SLC12A3: variants seen among roughly 807,000 people sequenced by gnomAD.
The protein encoded by SLC12A3 is Na-Cl cotransporter.
SLC12A3 carries 104 observed loss-of-function variants against 121.0 expected under a neutral mutation model. The observed-to-expected ratio is 0.86, with a 90% CI of 0.73 to 1.01. The LOEUF (loss-of-function observed/expected upper bound fraction) is 1.01. Among genes scored for constraint, SLC12A3 ranks in the 50% least tolerant of loss-of-function variants. The probability of loss-of-function intolerance (pLI) is 0.00; values close to 1 mark genes in which losing one functional copy is unlikely to be tolerated. For synonymous variants in SLC12A3, 536 were observed against 533.4 expected (o/e 1.00, Z -0.07); for missense variants, 1,328 against 1,356.3 (o/e 0.98, Z 0.33).
intron 13 of SLC12A3, 115 bp from the exon 14 acceptor site, chr16:56,883,934 C>A: frequency 8.4e-7 from 1 of 1,192,268 alleles, no homozygotes; most frequent in Non-Finnish European, 1.2e-6. Context: ...TGGGTACAGG[C>A]TGGGACCCCG....
At chr16:56,870,579 G>A (rs369629902) in intron 5 of SLC12A3, 47 bp from the exon 6 acceptor site, 187 of 1,263,096 alleles carry the variant, frequency 1.5e-4, no homozygotes, top group East Asian at 3.0e-4. Context: ...CTGGGGGATG[G>A]GGAATTCAGA....
Position 56,870,204 on chromosome 16 carries a change from G to A in SLC12A3, c.710G>A (p.Gly237Asp). Residue 237 changes from glycine to aspartate, a missense_variant, in exon 5 of 26, where the codon GGC becomes GAC. Physicochemically the swap from Gly to Asp is moderately conservative, Grantham distance 94 (BLOSUM62 -1). Transcript: ENST00000563236. ...NAVGVAMHTV[G>D]FAETVRDLLQ... is the part of the protein sequence containing the mutation. ...GTGGGTGTGGCCATGCACACGGTGG[G>A]CTTTGCAGAGACCGTGCGGGACCTG... 3.1e-6 allele frequency: 5 copies of A among 1,613,882 alleles called. No individual in the cohort carries two copies. The highest frequency in any genetic ancestry group is 4.2e-6 in the Non-Finnish European group (5 of 1,180,038).
Position 56,872,408 on chromosome 16 carries a change from A to C in SLC12A3, c.910A>C (p.Thr304Pro), listed in dbSNP as rs753840283. 22 of 1,613,894 alleles carry C rather than the reference A, an allele frequency of 1.4e-5. No homozygotes were observed. Among genetic ancestry groups the C allele is most frequent in the Non-Finnish European group, 1.9e-5 (22 of 1,180,010 alleles). ...CTCCTTTGCCAACTATTTAGTGGGG[A>C]CGCTGATCCCCCCATCTGAGGACAA... is the stretch of plus-strand genomic sequence containing the variant. ...MVSFANYLVG[T>P]LIPPSEDKAS... is the part of the protein sequence containing the mutation. Residue 304 changes from threonine (T) to proline (P), a missense_variant, in exon 7 of 26, where the codon ACG (threonine) becomes CCG (proline). Transcript: ENST00000563236.
intron 6 of SLC12A3, 93 bp downstream of exon 6, chr16:56,870,829 CTTTTTCT>C: frequency 2.9e-6 from 2 of 685,316 alleles, no homozygotes; most frequent in Non-Finnish European, 2.5e-6. Context: ...TCTGCCTTTT[CTTTTTCT>C]TTTCTTTTTT....
chr16:56,884,298 C>T (rs761163834), intron 14 of SLC12A3, 94 bp downstream of exon 14: 20 of 1,312,172 alleles, frequency 1.5e-5, no homozygotes, highest in Admixed American at 5.3e-5. Context: ...GCCCTGAGTC[C>T]GGCTCTGTGC....
rs183932395 is a variant in SLC12A3, at chr16:56,903,829, C to G, written c.2857-566C>G. 3.9e-5 allele frequency among the ~76,000 whole-genome samples: 6 copies of G among 152,320 alleles called. No homozygotes were observed. The East Asian group carries it at 1.2e-3, about 29-fold the overall frequency. ...TGCCCCAAAGGGCCCATGCAGCCAT[C>G]TGGCTCTTTGGAAAATGCTGAATAA... On this transcript the variant is annotated intron_variant, in intron 24 of 25. Coordinates refer to ENST00000563236, the MANE Select transcript of SLC12A3 (RefSeq NM_001126108.2).
At chr16:56,874,894 T>G (rs866282110) in intron 8 of SLC12A3, among the ~76,000 whole-genome samples, 1 of 152,190 alleles carries the variant, frequency 6.6e-6, no homozygotes, top group Non-Finnish European at 1.5e-5. Context: ...CAGGTGGTGT[T>G]GGGCAGGGCC....
At chr16:56,892,238 G>A (rs894112114) in intron 20 of SLC12A3, 105 bp downstream of exon 20, 9 of 1,012,248 alleles carry the variant, frequency 8.9e-6, no homozygotes, top group East Asian at 2.4e-5. Context: ...GAACTTGGTC[G>A]AGGACAGGTG....
At chr16:56,903,054 C>G (rs62035954) in intron 24 of SLC12A3, among the ~76,000 whole-genome samples, 14,581 of 151,564 alleles carry the variant, frequency 0.096, 882 homozygotes, top group Middle Eastern at 0.17. Flanking sequence ...GAGGCTGAGG[C>G]AGGAGAATCG....
rs150993489 is a variant in SLC12A3, at chr16:56,872,873, C to T, written c.1095+87C>T. Reference sequence around the variant, plus strand: ...TGCCCCCTGCTCTAGTGGCATCTGCCGCTGACCTGGGAGGCAGGGCTTCTA... The same window carrying T: ...TGCCCCCTGCTCTAGTGGCATCTGCTGCTGACCTGGGAGGCAGGGCTTCTA... On this transcript the variant is annotated intron_variant, in intron 8 of 25. Transcript: ENST00000563236. The T allele has an allele frequency of 3.4e-4, 528 of 1,567,196 alleles. 2 individuals carry two copies. In the African/African-American group the frequency reaches 6.7e-3, roughly 20 times the overall value.
rs780880719 is a variant in SLC12A3 at position 56,886,991 on chromosome 16, C to A, written c.2076C>A (p.Ile692=). The A allele has an allele frequency of 6.2e-7, 1 of 1,612,694 alleles. No individual in the cohort carries two copies. The highest frequency in any genetic ancestry group is 8.5e-7 in the Non-Finnish European group (1 of 1,179,400). Residue 692 remains isoleucine (I), a synonymous_variant, in exon 17 of 26, where the codon ATC becomes ATA. Coordinates refer to ENST00000563236, the MANE Select transcript of SLC12A3 (RefSeq NM_001126108.2). ...HKQRMPELQL[I]ANGHTKWLNK... ...AGAGGATGCCTGAGCTCCAGCTCAT[C>A]GCCAACGGGCACACCAAGTGGCTGA...
intron 14 of SLC12A3, 52 bp downstream of exon 14, chr16:56,884,256 C>T (rs1368371522): frequency 1.3e-6 from 2 of 1,596,570 alleles, no homozygotes; most frequent in Non-Finnish European, 1.7e-6. Flanking sequence ...GGTAGCCATG[C>T]AGGCGGCCCT....
intron 6 of SLC12A3, among the ~76,000 whole-genome samples, chr16:56,872,059 C>T (rs2055104813): frequency 6.6e-6 from 1 of 152,032 alleles, no homozygotes; most frequent in Non-Finnish European, 1.5e-5. Context: ...CCCATGTTGG[C>T]CAGGCTGGTC....
chr16:56,875,048 C>G (rs368588061), intron 8 of SLC12A3, among the ~76,000 whole-genome samples: 1 of 152,150 alleles, frequency 6.6e-6, no homozygotes. Flanking sequence ...CTCATTAGAT[C>G]GTTGCCTGGG....
At chr16:56,873,009 G>T (rs892127904) in intron 8 of SLC12A3, among the ~76,000 whole-genome samples, 1 of 151,908 alleles carries the variant, frequency 6.6e-6, no homozygotes, top group South Asian at 2.1e-4. Flanking sequence ...GGACACCACA[G>T]AATGGCTAGG....
At chr16:56,905,280 G>C (rs62038189) in intron 25 of SLC12A3, among the ~76,000 whole-genome samples, 13 of 149,328 alleles carry the variant, frequency 8.7e-5, no homozygotes, top group Non-Finnish European at 1.9e-4. Flanking sequence ...CAGAGGTTGC[G>C]GTGAGCCGAG....
Position 56,902,469 on chromosome 16 carries a change from G to A in SLC12A3, c.2817G>A (p.Trp939Ter), listed in dbSNP as rs760134110. Reference sequence around the variant, plus strand: ...ACGAGATGCGGCGGGACTGCCCCTGGAAGATCTCAGATGAGGAGATTACGA... The same window carrying A: ...ACGAGATGCGGCGGGACTGCCCCTGAAAGATCTCAGATGAGGAGATTACGA... ...TVNEMRRDCP[W>*]KISDEEITKN... is the part of the protein sequence containing the mutation. The change falls in exon 24 of 26, where the codon TGG (tryptophan) becomes TGA (stop). Residue 939 changes from tryptophan (W) to a stop codon, truncating the protein, a stop_gained. Coordinates refer to ENST00000563236, the MANE Select transcript of SLC12A3 (RefSeq NM_001126108.2). LOFTEE classifies it high-confidence loss of function. The A allele has an allele frequency of 6.2e-6, 9 of 1,451,260 alleles. No homozygotes were observed. The highest frequency in any genetic ancestry group is 8.4e-6 in the Non-Finnish European group (9 of 1,075,922). The allele number at this position is 1,451,260 out of a possible 1,614,324, so 89.9% of individuals were successfully genotyped here.
intron 15 of SLC12A3, 29 bp from the exon 16 acceptor site, chr16:56,886,335 G>A (rs765619779): frequency 6.4e-7 from 1 of 1,558,068 alleles, no homozygotes; most frequent in Admixed American, 1.7e-5. Flanking sequence ...TCTCCTGATG[G>A]CTCCTGCCCT....
intron 21 of SLC12A3, among the ~76,000 whole-genome samples, chr16:56,893,971 T>TTTTTTTTA (rs1555501561): frequency 1.2e-4 from 14 of 116,918 alleles, no homozygotes; most frequent in South Asian, 2.9e-4. Flanking sequence ...TTTATTTTTA[T>TTTTTTTTA]TTTATTTATT....
Sources: allele counts gnomAD v4.1 joint callset (sites outside exome capture counted in the v4.1 genomes callset), GRCh38; gene constraint gnomAD v4.1.1; transcripts MANE v1.5; gene names NCBI Gene and HGNC (gene_info 2026-07-23, HGNC 2026-07-21).